GALNTL6: variants seen among roughly 807,000 people sequenced by gnomAD.
GALNTL6 encodes polypeptide N-acetylgalactosaminyltransferase-like 6.
A neutral mutation model predicts 73.7 loss-of-function variants in GALNTL6; 46 were observed. That is an observed-to-expected ratio of 0.62 (90% CI 0.49 to 0.80). GALNTL6 has a LOEUF of 0.80. Ranked by LOEUF, GALNTL6 falls within the 30% of genes least tolerant of loss-of-function variation. The pLI, the probability that GALNTL6 is intolerant of heterozygous loss-of-function variation, is 0.00. For synonymous variants in GALNTL6, 259 were observed against 263.7 expected, an observed-to-expected ratio of 0.98 and a Z score of 0.17; for missense variants, 604 against 755.0, an observed-to-expected ratio of 0.80 and a Z score of 2.34.
intron 2 of GALNTL6, among the ~76,000 whole-genome samples, chr4:172,106,369 G>C (rs948845197): frequency 6.6e-6 from 1 of 152,108 alleles, no homozygotes; most frequent in Non-Finnish European, 1.5e-5. Context: ...CTGTTAAGTA[G>C]AGAATCAACT....
chr4:171,896,840 AG>A (rs1352142739), intron 2 of GALNTL6, among the ~76,000 whole-genome samples: 1 of 152,224 alleles, frequency 6.6e-6, no homozygotes, highest in Non-Finnish European at 1.5e-5. Flanking sequence ...TACAACCAAT[AG>A]GAAATTAACA....
intron 3 of GALNTL6, among the ~76,000 whole-genome samples, chr4:172,246,834 A>T (rs1383875319): frequency 5.4e-5 from 8 of 149,332 alleles, no homozygotes; most frequent in Non-Finnish European, 1.0e-4. Flanking sequence ...ATATATAAAT[A>T]TAAAATTTAT....
rs190460240 is a variant in GALNTL6 at position 173,011,597 on chromosome 4, A to G, written c.1488+2303A>G. Among the ~76,000 whole-genome samples, 168 of 152,218 alleles carry G rather than the reference A, an allele frequency of 1.1e-3. 3 individuals are homozygous for G. Among genetic ancestry groups the G allele is most frequent in the Non-Finnish European group, 9.0e-4 (61 of 68,016 alleles). On this transcript the variant is annotated intron_variant, in intron 11 of 12. Coordinates refer to ENST00000506823, the MANE Select transcript of GALNTL6 (RefSeq NM_001034845.3). ...TGGGATTACAGGCTTCTGCATGTGG[A>G]TATCCAGTTTTCCCAGCACCATTTA...
At chr4:171,968,900 G>T (rs1428019167) in intron 2 of GALNTL6, among the ~76,000 whole-genome samples, 1 of 149,230 alleles carries the variant, frequency 6.7e-6, no homozygotes, top group Admixed American at 6.7e-5. Flanking sequence ...GCAATAGTGT[G>T]ATCTCGGCTC....
chr4:172,924,716 G>A (rs1747959989), intron 8 of GALNTL6, among the ~76,000 whole-genome samples: 1 of 152,120 alleles, frequency 6.6e-6, no homozygotes, highest in African/African-American at 2.4e-5. Flanking sequence ...CCAGGGGAGT[G>A]GGAAGGTAGT....
chr4:171,828,613 C>G (rs1734885999), intron 2 of GALNTL6, among the ~76,000 whole-genome samples: 1 of 152,038 alleles, frequency 6.6e-6, no homozygotes, highest in Non-Finnish European at 1.5e-5. Flanking sequence ...CTTCCTCATG[C>G]CTTTTTTGTT....
intron 10 of GALNTL6, among the ~76,000 whole-genome samples, chr4:172,973,897 G>A (rs1226197909): frequency 1.3e-5 from 2 of 152,222 alleles, no homozygotes; most frequent in Non-Finnish European, 2.9e-5. Flanking sequence ...GTAAAACAGA[G>A]AGAGATTGGG....
At chr4:172,102,871 T>C (rs1732558212) in intron 2 of GALNTL6, among the ~76,000 whole-genome samples, 1 of 152,086 alleles carries the variant, frequency 6.6e-6, no homozygotes, top group Non-Finnish European at 1.5e-5. Flanking sequence ...TGCAGTTTAA[T>C]GGACTTGGGG....
At chr4:172,921,280 T>C (rs183670336) in intron 8 of GALNTL6, among the ~76,000 whole-genome samples, 1 of 152,314 alleles carries the variant, frequency 6.6e-6, no homozygotes, top group Non-Finnish European at 1.5e-5. Context: ...GTATTATGCT[T>C]CATCTTATAC....
At chr4:172,926,727 T>C (rs1748081283) in intron 8 of GALNTL6, among the ~76,000 whole-genome samples, 4 of 152,224 alleles carry the variant, frequency 2.6e-5, no homozygotes, top group South Asian at 2.1e-4. Flanking sequence ...CTTTGACCAA[T>C]AAGCACTGAC....
At chr4:172,625,587 T>C (rs1739135523) in intron 5 of GALNTL6, among the ~76,000 whole-genome samples, 1 of 152,124 alleles carries the variant, frequency 6.6e-6, no homozygotes, top group African/African-American at 2.4e-5. Context: ...TTAAGTTATT[T>C]GAGAAATCTC....
chr4:172,420,869 A>G (rs1731029933), intron 5 of GALNTL6, among the ~76,000 whole-genome samples: 1 of 152,168 alleles, frequency 6.6e-6, no homozygotes, highest in South Asian at 2.1e-4. Context: ...TTTCAGGGAC[A>G]TGGATGAAGC....
chr4:172,918,524 A>G (rs1003547592), intron 8 of GALNTL6, among the ~76,000 whole-genome samples: 3 of 152,186 alleles, frequency 2.0e-5, no homozygotes, highest in Non-Finnish European at 4.4e-5. Flanking sequence ...GAGAATACAT[A>G]TAATGCCTTC....
intron 9 of GALNTL6, among the ~76,000 whole-genome samples, chr4:172,932,028 C>G (rs567405315): frequency 6.6e-6 from 1 of 152,242 alleles, no homozygotes; most frequent in South Asian, 2.1e-4. Context: ...GAATCGAAAT[C>G]TAGAAAAAGA....
rs148698306 is a variant in GALNTL6, at chr4:172,224,433, T to C, written c.139-5223T>C. 5.8e-3 allele frequency among the ~76,000 whole-genome samples: 881 copies of C among 152,324 alleles called. 7 individuals carry two copies. Among genetic ancestry groups the C allele is most frequent in the African/African-American group, 0.02 (821 of 41,566 alleles). ...ATAGGTATATGGTTGATTGTGACAATAAAAGTTCACTGATTGATTTATGAA... is the reference window on the plus strand; with the variant it reads ...ATAGGTATATGGTTGATTGTGACAACAAAAGTTCACTGATTGATTTATGAA... On this transcript the variant is annotated intron_variant, in intron 2 of 12. Transcript: ENST00000506823.
At chr4:172,168,226 G>C (rs1734695031) in intron 2 of GALNTL6, among the ~76,000 whole-genome samples, 1 of 152,084 alleles carries the variant, frequency 6.6e-6, no homozygotes, top group Non-Finnish European at 1.5e-5. Flanking sequence ...GTATTAAAAA[G>C]ACTAAAAGCT....
At chr4:172,705,236 T>G (rs1421931436) in intron 5 of GALNTL6, among the ~76,000 whole-genome samples, 4 of 151,522 alleles carry the variant, frequency 2.6e-5, no homozygotes, top group Non-Finnish European at 5.9e-5. Flanking sequence ...TTTATGGTTG[T>G]TTTGTAGCTC....
chr4:172,078,706 A>G (rs1731786885), intron 2 of GALNTL6, among the ~76,000 whole-genome samples: 1 of 152,188 alleles, frequency 6.6e-6, no homozygotes, highest in African/African-American at 2.4e-5. Flanking sequence ...ATAGTAAACT[A>G]ATATAGTCAA....
intron 2 of GALNTL6, among the ~76,000 whole-genome samples, chr4:171,921,971 A>G (rs1737800868): frequency 6.6e-6 from 1 of 152,066 alleles, no homozygotes; most frequent in South Asian, 2.1e-4. Flanking sequence ...AAAATTCTGC[A>G]TCATTTTTAT....
Sources: allele counts gnomAD v4.1 joint callset (sites outside exome capture counted in the v4.1 genomes callset), GRCh38; gene constraint gnomAD v4.1.1; transcripts MANE v1.5; gene names NCBI Gene and HGNC (gene_info 2026-07-23, HGNC 2026-07-21).